Variants in ATRNL1 observed in about 807,000 individuals in gnomAD.
ATRNL1 encodes attractin-like protein 1.
Under a neutral mutation model 182.7 loss-of-function variants are expected in ATRNL1, and 95 were observed. The ratio of observed to expected loss-of-function variants is 0.52; its 90% confidence interval spans 0.44 to 0.62. The LOEUF is 0.62. Among genes scored for constraint, ATRNL1 ranks in the 20% least tolerant of loss-of-function variants. The pLI, the probability that ATRNL1 is intolerant of heterozygous loss-of-function variation, is 0.00. For synonymous variants in ATRNL1, 576 were observed against 568.3 expected (o/e 1.01, Z -0.19); for missense variants, 1,471 against 1,679.5 (o/e 0.88, Z 2.17).
intron 26 of ATRNL1, among the ~76,000 whole-genome samples, chr10:115,716,004 G>T (rs191864485): frequency 1.3e-5 from 2 of 152,230 alleles, no homozygotes; most frequent in East Asian, 3.9e-4. Flanking sequence ...TAAGAAAGCC[G>T]ATTTATATCA....
intron 18 of ATRNL1, among the ~76,000 whole-genome samples, chr10:115,329,605 G>T (rs1855103797): frequency 6.6e-6 from 1 of 152,020 alleles, no homozygotes; most frequent in Non-Finnish European, 1.5e-5. Flanking sequence ...CTATCCTCTT[G>T]TATTGATCCC....
In ATRNL1 at chr10:115,289,962, T is replaced by G. The variant is rs1416444716; in HGVS notation, c.2415+3565T>G. On this transcript the variant is annotated intron_variant, in intron 15 of 28. Coordinates refer to ENST00000355044, the MANE Select transcript of ATRNL1 (RefSeq NM_207303.4). ...TAGGTAGTGCATTGAGTCTGTAGAT[T>G]GCTTTGAGTAGCATGGTTGTTTTAA... Among the ~76,000 whole-genome samples the G allele has an allele frequency of 4.6e-5, 7 of 152,212 alleles. No homozygotes were observed. In the East Asian group the frequency reaches 1.3e-3, roughly 29 times the overall value.
intron 21 of ATRNL1, among the ~76,000 whole-genome samples, chr10:115,451,942 A>G (rs1847303971): frequency 6.6e-6 from 1 of 152,132 alleles, no homozygotes; most frequent in Non-Finnish European, 1.5e-5. Context: ...AAAAAATGAG[A>G]TCATATATTT....
chr10:115,109,345 C>T (rs1844161961), intron 1 of ATRNL1, among the ~76,000 whole-genome samples: 1 of 152,068 alleles, frequency 6.6e-6, no homozygotes. Flanking sequence ...AATTTATTGG[C>T]TTATGATTCT....
intron 17 of ATRNL1, among the ~76,000 whole-genome samples, chr10:115,311,427 T>A (rs993449714): frequency 7.9e-5 from 12 of 152,176 alleles, no homozygotes; most frequent in Admixed American, 4.6e-4. Context: ...GACCTCATGA[T>A]CCACCCACCT....
At chr10:115,374,465 C>CTTCCTTCT (rs1189620717) in intron 19 of ATRNL1, among the ~76,000 whole-genome samples, 4 of 143,532 alleles carry the variant, frequency 2.8e-5, no homozygotes, top group Admixed American at 1.4e-4. Context: ...TCCTTCCTTC[C>CTTCCTTCT]TTCCTTCCTT....
At chr10:115,111,481 A>C (rs1480961912) in intron 1 of ATRNL1, among the ~76,000 whole-genome samples, 1 of 152,088 alleles carries the variant, frequency 6.6e-6, no homozygotes, top group African/African-American at 2.4e-5. Context: ...GGCTGCGTCT[A>C]CTCATGGCAG....
intron 27 of ATRNL1, among the ~76,000 whole-genome samples, chr10:115,821,193 A>G (rs1950287777): frequency 6.6e-6 from 1 of 152,174 alleles, no homozygotes; most frequent in Non-Finnish European, 1.5e-5. Context: ...GTGTGAACAG[A>G]CTAATACAGG....
chr10:115,543,362 T>G (rs1383357901), intron 25 of ATRNL1, among the ~76,000 whole-genome samples: 1 of 152,210 alleles, frequency 6.6e-6, no homozygotes, highest in Non-Finnish European at 1.5e-5. Context: ...AGAAGTGTAT[T>G]CTGTTAATAT....
chr10:115,794,067 T>C (rs1191597038), intron 27 of ATRNL1, among the ~76,000 whole-genome samples: 2 of 152,192 alleles, frequency 1.3e-5, no homozygotes, highest in Admixed American at 1.3e-4. Flanking sequence ...AGTAGACAAG[T>C]GTGCATCAAA....
At chr10:115,903,830 G>A (rs1472875639) in intron 28 of ATRNL1, among the ~76,000 whole-genome samples, 1 of 152,112 alleles carries the variant, frequency 6.6e-6, no homozygotes, top group Non-Finnish European at 1.5e-5. Context: ...AGAAGGCAGT[G>A]GCAAGGAGAT....
At position 115,907,768 on chromosome 10, in the gene ATRNL1, T is replaced by C. The variant is rs529040164; in HGVS notation, c.4019-36890T>C. Among the ~76,000 whole-genome samples, 206 of 152,154 alleles carry C rather than the reference T, an allele frequency of 1.4e-3. 1 individual carries two copies. Among genetic ancestry groups the C allele is most frequent in the African/African-American group, 4.8e-3 (199 of 41,566 alleles). On this transcript the variant is annotated intron_variant, in intron 28 of 28. Coordinates refer to ENST00000355044, the MANE Select transcript of ATRNL1 (RefSeq NM_207303.4). ...TAAAATATTTTATAATAAAATGTTA[T>C]ATTTAATGTGAGTACCTTTTACTCT...
At chr10:115,268,749 A>G (rs1402085379) in intron 13 of ATRNL1, among the ~76,000 whole-genome samples, 4 of 152,200 alleles carry the variant, frequency 2.6e-5, no homozygotes, top group South Asian at 2.1e-4. Context: ...TTCTGTTCCT[A>G]TGAAAATAAG....
At chr10:115,253,714 C>T (rs1459835907) in intron 10 of ATRNL1, among the ~76,000 whole-genome samples, 1 of 151,914 alleles carries the variant, frequency 6.6e-6, no homozygotes, top group African/African-American at 2.4e-5. Flanking sequence ...TCATCATTTA[C>T]ATTAGGTATT....
At chr10:115,670,119 T>G (rs1370234157) in intron 26 of ATRNL1, among the ~76,000 whole-genome samples, 4 of 152,104 alleles carry the variant, frequency 2.6e-5, no homozygotes, top group African/African-American at 9.7e-5. Flanking sequence ...TACTTGCTTT[T>G]AACACTGTAC....
intron 8 of ATRNL1, among the ~76,000 whole-genome samples, chr10:115,177,933 T>G (rs1262659270): frequency 1.4e-5 from 2 of 146,680 alleles, no homozygotes; most frequent in East Asian, 3.9e-4. Flanking sequence ...TGTTTTTTTT[T>G]TTTTTGAGAC....
intron 21 of ATRNL1, among the ~76,000 whole-genome samples, chr10:115,447,740 C>G (rs1460266664): frequency 6.6e-6 from 1 of 151,756 alleles, no homozygotes; most frequent in Admixed American, 6.6e-5. Flanking sequence ...GAATTAAAAT[C>G]CTTACACATT....
chr10:115,537,271 A>T (rs921859239), intron 25 of ATRNL1, among the ~76,000 whole-genome samples: 7 of 152,170 alleles, frequency 4.6e-5, no homozygotes, highest in African/African-American at 1.2e-4. Context: ...ACTGAAATAG[A>T]CTTCTCCAAG....
intron 28 of ATRNL1, among the ~76,000 whole-genome samples, chr10:115,849,845 T>C (rs1386537043): frequency 1.3e-5 from 2 of 152,162 alleles, no homozygotes; most frequent in African/African-American, 2.4e-5. Context: ...TGATGATTTG[T>C]AGCAGAAAGC....
Sources: gnomAD v4.1 joint callset for allele counts (sites outside exome capture counted in the v4.1 genomes callset) on GRCh38, gnomAD v4.1.1 for gene constraint, MANE v1.5 for transcripts, NCBI Gene and HGNC (gene_info 2026-07-23, HGNC 2026-07-21) for gene names.